Variants in PBX3 observed in about 807,000 individuals in gnomAD.
PBX3 encodes the protein PBX homeobox 3.
A neutral mutation model predicts 48.5 loss-of-function variants in PBX3; 14 were observed. The ratio of observed to expected loss-of-function variants is 0.29; its 90% CI spans 0.19 to 0.45. The LOEUF is 0.45. Among genes scored for constraint, PBX3 ranks in the 20% least tolerant of loss-of-function variants. The pLI is 1.00. For missense variants in PBX3, 386 were observed against 546.7 expected, an observed-to-expected ratio of 0.71 and a Z score of 2.93; for synonymous variants, 210 against 200.3, an observed-to-expected ratio of 1.05 and a Z score of -0.41.
rs1842555481 is a variant in PBX3 at position 125,967,352 on chromosome 9, A to G, written c.*1429A>G. The G allele has an allele frequency of 6.6e-6, 1 of 152,666 alleles. No homozygotes were observed. The highest frequency in any genetic ancestry group is 6.5e-5 in the Admixed American group (1 of 15,274). The allele number at this position is 152,666 out of a possible 1,614,324, so 9.5% of individuals were successfully genotyped here. ...TAGTTATATGTAGTTTCAAACATGA[A>G]TAAACTTTTTGCTTTCATGATTAAA... On this transcript the variant is annotated 3_prime_UTR_variant, in exon 9 of 9. Coordinates refer to ENST00000373489, the MANE Select transcript of PBX3 (RefSeq NM_006195.6).
intron 2 of PBX3, among the ~76,000 whole-genome samples, chr9:125,865,990 CT>C (rs200362144): frequency 3.1e-3 from 437 of 140,146 alleles, no homozygotes; most frequent in South Asian, 0.016. Context: ...AAGAAAATAG[CT>C]TTTTTTTTTT....
In PBX3 at chr9:125,912,660, T is replaced by C. The variant is rs546094747; in HGVS notation, c.275-3026T>C. ...AGGGTTTATTTTTTAAACTTTATAATGTTGTGATGACCAAAGAACCTAGAT... is the reference window on the plus strand; with the variant it reads ...AGGGTTTATTTTTTAAACTTTATAACGTTGTGATGACCAAAGAACCTAGAT... On this transcript the variant is annotated intron_variant, in intron 2 of 8. Transcript: ENST00000373489. Among the ~76,000 whole-genome samples, 8 of 152,324 alleles carry C rather than the reference T, an allele frequency of 5.3e-5. No homozygotes were observed. In the South Asian group the frequency reaches 1.7e-3, roughly 32 times the overall value.
At chr9:125,897,370 C>T (rs974583492) in intron 2 of PBX3, among the ~76,000 whole-genome samples, 5 of 151,686 alleles carry the variant, frequency 3.3e-5, no homozygotes, top group Non-Finnish European at 1.5e-5. Context: ...CTTGTTATGC[C>T]ATCCAATCAA....
At chr9:125,888,739 T>C (rs1276113013) in intron 2 of PBX3, among the ~76,000 whole-genome samples, 1 of 152,142 alleles carries the variant, frequency 6.6e-6, no homozygotes, top group Non-Finnish European at 1.5e-5. Context: ...CTAGTAACTG[T>C]TTATATTTGA....
At chr9:125,901,173 G>C (rs1840936937) in intron 2 of PBX3, among the ~76,000 whole-genome samples, 1 of 151,570 alleles carries the variant, frequency 6.6e-6, no homozygotes, top group South Asian at 2.1e-4. Context: ...ATATCTACCC[G>C]CTTCCGTCAG....
chr9:125,903,821 T>G (rs1381139951), intron 2 of PBX3, among the ~76,000 whole-genome samples: 1 of 151,872 alleles, frequency 6.6e-6, no homozygotes, highest in Non-Finnish European at 1.5e-5. Flanking sequence ...ATAATATGTA[T>G]AAGAGGTGGT....
At chr9:125,913,214 G>A (rs1314559776) in intron 2 of PBX3, among the ~76,000 whole-genome samples, 1 of 151,852 alleles carries the variant, frequency 6.6e-6, no homozygotes, top group Non-Finnish European at 1.5e-5. Flanking sequence ...TTTTCCGTCA[G>A]GAAATGATTT....
chr9:125,932,840 C>T (rs1228259416), intron 4 of PBX3, among the ~76,000 whole-genome samples: 1 of 152,078 alleles, frequency 6.6e-6, no homozygotes, highest in Non-Finnish European at 1.5e-5. Context: ...GTATTAACAG[C>T]CTAAAGTGAG....
intron 2 of PBX3, among the ~76,000 whole-genome samples, chr9:125,858,739 C>T (rs1035637953): frequency 4.0e-5 from 6 of 151,050 alleles, no homozygotes; most frequent in Middle Eastern, 3.4e-3. Context: ...TATTCTCCTG[C>T]CTCAGCCTCC....
chr9:125,906,847 G>A (rs538106130), intron 2 of PBX3, among the ~76,000 whole-genome samples: 4 of 152,084 alleles, frequency 2.6e-5, no homozygotes, highest in African/African-American at 9.6e-5. Flanking sequence ...TAATTGAGAG[G>A]ATGCATAGCT....
intron 2 of PBX3, among the ~76,000 whole-genome samples, chr9:125,892,677 A>G (rs183729756): frequency 9.2e-5 from 14 of 152,310 alleles, no homozygotes; most frequent in Admixed American, 3.9e-4. Flanking sequence ...TTCATCCCCA[A>G]TCTGTGTTAT....
At chr9:125,797,493 A>G (rs1019083155) in intron 2 of PBX3, 4 of 152,268 alleles carry the variant, frequency 2.6e-5, no homozygotes, top group African/African-American at 7.2e-5. Context: ...CAGAAAATCA[A>G]ATCAACACAC....
intron 2 of PBX3, among the ~76,000 whole-genome samples, chr9:125,915,361 A>T (rs914459848): frequency 2.6e-5 from 4 of 152,016 alleles, no homozygotes; most frequent in Non-Finnish European, 1.5e-5. Context: ...TTCCCATTTT[A>T]TGCTTAAATT....
intron 3 of PBX3, among the ~76,000 whole-genome samples, chr9:125,918,246 G>T (rs1232215332): frequency 6.6e-6 from 1 of 152,178 alleles, no homozygotes; most frequent in Non-Finnish European, 1.5e-5. Context: ...TGGAAGTTGT[G>T]TGAAGCTGGT....
intron 2 of PBX3, among the ~76,000 whole-genome samples, chr9:125,894,877 G>A (rs143007417): frequency 1.3e-3 from 192 of 152,164 alleles, no homozygotes; most frequent in Non-Finnish European, 2.3e-3. Flanking sequence ...TGAACATGCC[G>A]CTTTATAGCA....
chr9:125,928,248 A>G (rs565731053), intron 3 of PBX3, among the ~76,000 whole-genome samples: 1 of 152,098 alleles, frequency 6.6e-6, no homozygotes, highest in African/African-American at 2.4e-5. Flanking sequence ...GTATGGTGGC[A>G]CATGCCTGTC....
chr9:125,932,081 T>G (rs762159950), intron 4 of PBX3, among the ~76,000 whole-genome samples: 4 of 152,212 alleles, frequency 2.6e-5, no homozygotes, highest in Non-Finnish European at 5.9e-5. Context: ...TAGAATTCCT[T>G]CTTTTCCTAA....
chr9:125,890,240 C>G (rs79587431), intron 2 of PBX3, among the ~76,000 whole-genome samples: 3,237 of 152,224 alleles, frequency 0.021, 175 homozygotes, highest in East Asian at 0.17. Flanking sequence ...AAAAAATTCC[C>G]AACCAGCTTC....
chr9:125,827,481 A>G (rs1289596445), intron 2 of PBX3, among the ~76,000 whole-genome samples: 1 of 152,126 alleles, frequency 6.6e-6, no homozygotes. Context: ...AAATGCTTTT[A>G]CTACACATAC....
Sources: gnomAD v4.1 joint callset for allele counts (sites outside exome capture counted in the v4.1 genomes callset) on GRCh38, gnomAD v4.1.1 for gene constraint, MANE v1.5 for transcripts, NCBI Gene and HGNC (gene_info 2026-07-23, HGNC 2026-07-21) for gene names.